The following APBA2 variants were observed in gnomAD, a reference collection of about 807,000 sequenced individuals.
APBA2 encodes amyloid beta precursor protein binding family A member 2.
A neutral mutation model predicts 75.0 loss-of-function variants in APBA2; 30 were observed. The observed-to-expected ratio is 0.40, with a 90% CI of 0.30 to 0.54. The LOEUF (loss-of-function observed/expected upper bound fraction) is 0.54. Ranked by LOEUF, APBA2 falls within the 20% of genes least tolerant of loss-of-function variation. APBA2 has a pLI of 0.49. For missense variants in APBA2, 801 were observed against 1,016.1 expected, an observed-to-expected ratio of 0.79 and a Z score of 2.88; for synonymous variants, 444 against 409.6, an observed-to-expected ratio of 1.08 and a Z score of -1.01.
intron 3 of APBA2, among the ~76,000 whole-genome samples, chr15:29,019,955 A>ATG (rs2039868653): frequency 6.6e-6 from 1 of 152,214 alleles, no homozygotes; most frequent in East Asian, 1.9e-4. Flanking sequence ...TCAGTTCCCG[A>ATG]CATTATAACT....
intron 3 of APBA2, among the ~76,000 whole-genome samples, chr15:29,016,113 T>C (rs1321859912): frequency 6.6e-6 from 1 of 152,138 alleles, no homozygotes; most frequent in Non-Finnish European, 1.5e-5. Flanking sequence ...AAAAATTAGC[T>C]GGGCATTGTG....
At chr15:29,109,908 A>G (rs2044637986) in intron 13 of APBA2, among the ~76,000 whole-genome samples, 1 of 152,186 alleles carries the variant, frequency 6.6e-6, no homozygotes, top group Non-Finnish European at 1.5e-5. Flanking sequence ...GACCTGGCAC[A>G]GGTGCCAGGA....
At chr15:28,888,620 C>G (rs1341169279) in intron 1 of APBA2, among the ~76,000 whole-genome samples, 1 of 152,180 alleles carries the variant, frequency 6.6e-6, no homozygotes, top group Non-Finnish European at 1.5e-5. Flanking sequence ...AGAGGACTGG[C>G]GGTCGGTGGG....
intron 3 of APBA2, among the ~76,000 whole-genome samples, chr15:29,030,415 T>C (rs2040430258): frequency 6.6e-6 from 1 of 151,980 alleles, no homozygotes; most frequent in Non-Finnish European, 1.5e-5. Flanking sequence ...TGAGCCGAGA[T>C]GGCCCCACTG....
At chr15:28,998,663 G>C (rs1304291411) in intron 3 of APBA2, among the ~76,000 whole-genome samples, 1 of 152,162 alleles carries the variant, frequency 6.6e-6, no homozygotes, top group Non-Finnish European at 1.5e-5. Context: ...GGAGAGACAC[G>C]GCAATGGCTG....
chr15:29,035,569 T>G (rs1429746138), intron 3 of APBA2, among the ~76,000 whole-genome samples: 1 of 152,186 alleles, frequency 6.6e-6, no homozygotes, highest in Admixed American at 6.5e-5. Flanking sequence ...GTCTCAGTTG[T>G]GGAAGCTGCT....
Position 28,889,321 on chromosome 15 carries a change from G to C in APBA2, c.-205+3043G>C, listed in dbSNP as rs565390242. ...CCAGGCTCACTCTGTGGAACCCTACGTACTGGTGGGGTGCCACTGCTGTGT... is the reference window on the plus strand; with the variant it reads ...CCAGGCTCACTCTGTGGAACCCTACCTACTGGTGGGGTGCCACTGCTGTGT... On this transcript the variant is annotated intron_variant, in intron 1 of 14. Coordinates refer to ENST00000683413, the MANE Select transcript of APBA2 (RefSeq NM_001353788.2). Among the ~76,000 whole-genome samples the C allele has an allele frequency of 5.7e-4, 86 of 152,204 alleles. 1 individual carries two copies. Among genetic ancestry groups the C allele is most frequent in the Non-Finnish European group, 2.9e-5 (2 of 68,036 alleles).
At chr15:29,072,627 C>T (rs557016676) in intron 4 of APBA2, among the ~76,000 whole-genome samples, 5 of 152,220 alleles carry the variant, frequency 3.3e-5, no homozygotes, top group East Asian at 1.9e-4. Context: ...AACAGAGTCT[C>T]GGGTGGTCAC....
intron 2 of APBA2, among the ~76,000 whole-genome samples, chr15:28,984,873 C>T (rs1052146464): frequency 6.7e-6 from 1 of 150,360 alleles, no homozygotes. Context: ...CTCTCTCTCT[C>T]TCTCCCCCCA....
At chr15:29,026,780 G>C (rs947530363) in intron 3 of APBA2, among the ~76,000 whole-genome samples, 2 of 152,042 alleles carry the variant, frequency 1.3e-5, no homozygotes, top group Non-Finnish European at 2.9e-5. Context: ...AATTAGCTGG[G>C]CATGGTGTTG....
chr15:29,078,837 C>T (rs2042965834), intron 6 of APBA2, among the ~76,000 whole-genome samples: 1 of 152,094 alleles, frequency 6.6e-6, no homozygotes, highest in Non-Finnish European at 1.5e-5. Flanking sequence ...AGCTGGACGT[C>T]CTCCCCTTGA....
chr15:29,037,593 G>A (rs143121293), intron 3 of APBA2, among the ~76,000 whole-genome samples: 1 of 152,162 alleles, frequency 6.6e-6, no homozygotes, highest in East Asian at 1.9e-4. Context: ...GAGTTACGTG[G>A]GGCTGGAAGA....
intron 1 of APBA2, among the ~76,000 whole-genome samples, chr15:28,892,390 A>G (rs1415199972): frequency 6.6e-6 from 1 of 152,190 alleles, no homozygotes; most frequent in Non-Finnish European, 1.5e-5. Flanking sequence ...TTTATCTTTT[A>G]TACCATATTT....
At chr15:29,108,517 C>T (rs760796268) in intron 13 of APBA2, 128 bp downstream of exon 13, 19 of 1,486,752 alleles carry the variant, frequency 1.3e-5, no homozygotes, top group South Asian at 4.7e-5. Context: ...TTGCAGCTGC[C>T]CACAGCCAGG....
intron 2 of APBA2, among the ~76,000 whole-genome samples, chr15:28,981,311 A>G (rs773075623): frequency 9.2e-5 from 14 of 152,260 alleles, no homozygotes; most frequent in Non-Finnish European, 1.6e-4. Context: ...TTGAACAAGC[A>G]AGAACCAAAT....
intron 1 of APBA2, among the ~76,000 whole-genome samples, chr15:28,888,934 G>A (rs368241567): frequency 1.3e-5 from 2 of 151,846 alleles, no homozygotes; most frequent in Non-Finnish European, 2.9e-5. Context: ...TGCTCACCAG[G>A]AGGCAGCCTG....
chr15:29,007,069 C>T lies in APBA2; in HGVS notation c.-41+11263C>T, dbSNP rs186703438. Among the ~76,000 whole-genome samples, 301 of 152,182 alleles carry T rather than the reference C, an allele frequency of 2.0e-3. 1 individual carries two copies. Among genetic ancestry groups the T allele is most frequent in the African/African-American group, 6.5e-3 (271 of 41,508 alleles). Reference sequence around the variant, plus strand: ...AGTTGCATAAAGACAGACATACAGACGAAAGGAATTGAGTAGACAGCCCCC... The same window carrying T: ...AGTTGCATAAAGACAGACATACAGATGAAAGGAATTGAGTAGACAGCCCCC... On this transcript the variant is annotated intron_variant, in intron 3 of 14. Transcript: ENST00000683413.
chr15:28,933,440 T>C (rs1354702582), intron 2 of APBA2, among the ~76,000 whole-genome samples: 1 of 152,184 alleles, frequency 6.6e-6, no homozygotes, highest in African/African-American at 2.4e-5. Flanking sequence ...CTTCCCAGCC[T>C]CCTGAACTGA....
intron 2 of APBA2, among the ~76,000 whole-genome samples, chr15:28,954,355 A>G (rs759687116): frequency 5.9e-5 from 9 of 152,172 alleles, no homozygotes; most frequent in Admixed American, 5.2e-4. Context: ...TGGCCATCCC[A>G]TTAAGAGTAA....
Sources: gnomAD v4.1 joint callset for allele counts (sites outside exome capture counted in the v4.1 genomes callset) on GRCh38, gnomAD v4.1.1 for gene constraint, MANE v1.5 for transcripts, NCBI Gene and HGNC (gene_info 2026-07-23, HGNC 2026-07-21) for gene names.